Variants in DLEU7 observed in about 807,000 individuals in gnomAD.
The protein encoded by DLEU7 is leukemia-associated protein 7.
In DLEU7, 17 loss-of-function variants were observed where a neutral mutation model predicts 16.0. The observed-to-expected ratio is 1.06, with a 90% CI of 0.73 to 1.59. The LOEUF (loss-of-function observed/expected upper bound fraction) is 1.59. Ranked by LOEUF, DLEU7 falls within the 40% of genes most tolerant of loss-of-function variation. DLEU7 has a pLI of 0.00. For synonymous variants in DLEU7, 113 were observed against 139.8 expected (o/e 0.81, Z 1.35); for missense variants, 308 against 314.9 (o/e 0.98, Z 0.17).
At chr13:50,737,981 C>G (rs1406994015) in intron 1 of DLEU7, among the ~76,000 whole-genome samples, 6 of 152,062 alleles carry the variant, frequency 3.9e-5, no homozygotes, top group Non-Finnish European at 8.8e-5. Context: ...AAGTGTTACT[C>G]CAGTAAACAC....
At chr13:50,756,336 T>A (rs1593544220) in intron 1 of DLEU7, among the ~76,000 whole-genome samples, 1 of 151,958 alleles carries the variant, frequency 6.6e-6, no homozygotes, top group African/African-American at 2.4e-5. Context: ...GCCCATCAGG[T>A]AGGGGCAGGA....
intron 1 of DLEU7, chr13:50,715,413 T>C (rs575508497): frequency 6.6e-6 from 1 of 152,208 alleles, no homozygotes; most frequent in Admixed American, 6.5e-5. Context: ...GCCTACCACA[T>C]AGAGATTAGT....
At chr13:50,717,445 A>G (rs898789675) in intron 1 of DLEU7, among the ~76,000 whole-genome samples, 1 of 152,230 alleles carries the variant, frequency 6.6e-6, no homozygotes, top group Non-Finnish European at 1.5e-5. Flanking sequence ...TCATTGTATC[A>G]TGTAACCCAC....
intron 1 of DLEU7, among the ~76,000 whole-genome samples, chr13:50,750,516 T>C (rs574916675): frequency 1.3e-5 from 2 of 152,348 alleles, no homozygotes; most frequent in South Asian, 2.1e-4. Context: ...ATTTGTAGAT[T>C]GCTTTTGGCA....
At chr13:50,782,470 A>G (rs1395176214) in intron 1 of DLEU7, among the ~76,000 whole-genome samples, 2 of 151,656 alleles carry the variant, frequency 1.3e-5, no homozygotes. Flanking sequence ...ATTCTCCCTC[A>G]CTCTCAACCT....
downstream of DLEU7, among the ~76,000 whole-genome samples, chr13:50,819,126 G>A (rs151078058): frequency 1.9e-3 from 292 of 152,272 alleles, 1 homozygote; most frequent in Middle Eastern, 0.01. Context: ...AAACAAAGCA[G>A]GGAATAGGGA....
rs1877771945 is a variant in DLEU7, at chr13:50,843,691, G to A, written c.-45C>T. 1.3e-6 allele frequency: 2 copies of A among 1,488,222 alleles called. No individual in the cohort carries two copies. Among genetic ancestry groups the A allele is most frequent in the South Asian group, 1.3e-5 (1 of 79,318 alleles). The allele number at this position is 1,488,222 out of a possible 1,614,324, so 92.2% of individuals were successfully genotyped here. On this transcript the variant is annotated 5_prime_UTR_variant, in exon 1 of 2. Transcript: ENST00000504404. This position sits in a 1 kb window ranked among gnomAD's most constrained non-coding sequence, Gnocchi z 5.7. The stretch of plus-strand genomic sequence containing the variant: ...GCGCGCTCCGCGTGCAGGTGGAGCA[G>A]CAGCGAGGGAGGCGGGGGCGTTGGG...
chr13:50,836,231 T>C (rs1480644384), intron 1 of DLEU7, among the ~76,000 whole-genome samples: 1 of 151,896 alleles, frequency 6.6e-6, no homozygotes, highest in Non-Finnish European at 1.5e-5. Flanking sequence ...TTCTCACATT[T>C]CCCCCTCTAG....
intron 1 of DLEU7, among the ~76,000 whole-genome samples, chr13:50,724,303 C>A (rs1873705034): frequency 6.6e-6 from 1 of 152,124 alleles, no homozygotes; most frequent in South Asian, 2.1e-4. Flanking sequence ...TACCAGTGTT[C>A]TATTTATTAA....
At chr13:50,758,019 A>G (rs1593545103) in intron 1 of DLEU7, among the ~76,000 whole-genome samples, 1 of 141,692 alleles carries the variant, frequency 7.1e-6, no homozygotes, top group Non-Finnish European at 1.5e-5. Context: ...TATTTTCATT[A>G]CCAAGATTTT....
intron 1 of DLEU7, among the ~76,000 whole-genome samples, chr13:50,728,627 A>C (rs1873830862): frequency 6.6e-6 from 1 of 152,126 alleles, no homozygotes; most frequent in Non-Finnish European, 1.5e-5. Flanking sequence ...AGTGCATCAT[A>C]GGAACCCACC....
chr13:50,809,714 A>G (rs919469484), intron 1 of DLEU7, among the ~76,000 whole-genome samples: 1 of 152,146 alleles, frequency 6.6e-6, no homozygotes, highest in African/African-American at 2.4e-5. Context: ...TGGTGGATCC[A>G]GTGCACAATG....
chr13:50,819,745 G>A (rs980961048), downstream of DLEU7, among the ~76,000 whole-genome samples: 1 of 152,136 alleles, frequency 6.6e-6, no homozygotes, highest in Non-Finnish European at 1.5e-5. Flanking sequence ...AAGCAGTCTT[G>A]GGAATCCATA....
intron 1 of DLEU7, among the ~76,000 whole-genome samples, chr13:50,809,631 A>G (rs1301338989): frequency 6.6e-6 from 1 of 152,086 alleles, no homozygotes; most frequent in Non-Finnish European, 1.5e-5. Context: ...AGGCCAAGGG[A>G]GAAGCTGCTT....
intron 1 of DLEU7, among the ~76,000 whole-genome samples, chr13:50,808,333 A>G (rs1008626528): frequency 6.6e-6 from 1 of 152,174 alleles, no homozygotes; most frequent in African/African-American, 2.4e-5. Context: ...GCATCCATGT[A>G]AGAATATTCA....
chr13:50,777,926 C>T (rs548210318), intron 1 of DLEU7, among the ~76,000 whole-genome samples: 1 of 152,288 alleles, frequency 6.6e-6, no homozygotes, highest in Admixed American at 6.5e-5. Flanking sequence ...GTAAGCAGAA[C>T]ACCGCAGTGG....
chr13:50,752,269 T>C (rs9591353), intron 1 of DLEU7, among the ~76,000 whole-genome samples: 71,927 of 151,794 alleles, frequency 0.47, 18,083 homozygotes, highest in African/African-American at 0.63. Flanking sequence ...GCCAGGATGG[T>C]CTCAATCTCC....
chr13:50,774,674 CA>C (rs1385679383), intron 1 of DLEU7, among the ~76,000 whole-genome samples: 13 of 151,996 alleles, frequency 8.6e-5, no homozygotes, highest in East Asian at 1.9e-4. Context: ...AATATAGTTG[CA>C]ATTTTTTTTC....
At chr13:50,747,314 A>T (rs1417569545) in intron 1 of DLEU7, among the ~76,000 whole-genome samples, 1 of 150,714 alleles carries the variant, frequency 6.6e-6, no homozygotes, top group Non-Finnish European at 1.5e-5. Flanking sequence ...TACATATTTT[A>T]AAAAGAAAAG....
Sources: allele counts gnomAD v4.1 joint callset (sites outside exome capture counted in the v4.1 genomes callset), GRCh38; gene constraint gnomAD v4.1.1; non-coding constraint Gnocchi (gnomAD v3.1); transcripts MANE v1.5; gene names NCBI Gene and HGNC (gene_info 2026-07-23, HGNC 2026-07-21).